NAALADL1: variants seen among roughly 807,000 people sequenced by gnomAD.
The protein encoded by NAALADL1 is aminopeptidase NAALADL1.
In NAALADL1, 77 loss-of-function variants were observed where a neutral mutation model predicts 82.8. The ratio of observed to expected loss-of-function variants is 0.93; its 90% CI spans 0.77 to 1.12. NAALADL1 has a LOEUF of 1.12. Among genes scored for constraint, NAALADL1 ranks in the 50% most tolerant of loss-of-function variants. The pLI is 0.00. For synonymous variants in NAALADL1, 358 were observed against 399.2 expected (o/e 0.90, Z 1.23); for missense variants, 956 against 964.0 (o/e 0.99, Z 0.11).
chr11:65,055,812 CCTTT>C (rs767961752), intron 4 of NAALADL1, among the ~76,000 whole-genome samples: 13 of 151,208 alleles, frequency 8.6e-5, no homozygotes, highest in Non-Finnish European at 8.8e-5. Context: ...TCCTTTTTTC[CCTTT>C]CTTTTCTTCC....
Position 65,047,519 on chromosome 11 carries a change from A to G in NAALADL1, c.1555T>C (p.Phe519Leu). 2 of 1,571,292 alleles carry G rather than the reference A, an allele frequency of 1.3e-6. No homozygotes were observed. The highest frequency in any genetic ancestry group is 2.3e-5 in the South Asian group (2 of 85,394). The stretch of plus-strand genomic sequence containing the variant: ...ATGTCCATGGAGGAGATGCCCAGGA[A>G]GTGAACGAAGGGTGCATAGTCGCTG... ...AGSDYAPFVH[F>L]LGISSMDIAY... Residue 519 changes from phenylalanine (F) to leucine (L), a missense_variant, in exon 13 of 18, where the codon TTC (phenylalanine) becomes CTC (leucine). Phe to Leu is a conservative substitution (Grantham distance 22). Coordinates refer to ENST00000358658, the MANE Select transcript of NAALADL1 (RefSeq NM_005468.3).
In NAALADL1 at chr11:65,044,912, C is replaced by G; in HGVS notation, c.*359G>C. On this transcript the variant is annotated 3_prime_UTR_variant, in exon 18 of 18. Transcript: ENST00000358658. This position sits in a 1 kb window ranked among gnomAD's most constrained non-coding sequence, Gnocchi z 4.0. ...TGCAGGGAGAGGAACGCAGACTAGC[C>G]AAGGCCTAAGGTACCCCAAGACTCA... The G allele has an allele frequency of 1.4e-6, 1 of 729,350 alleles. No individual in the cohort carries two copies. Among genetic ancestry groups the G allele is most frequent in the Non-Finnish European group, 2.2e-6 (1 of 456,750 alleles). 45.2% of individuals were successfully genotyped at this position (729,350 alleles called of 1,614,324 possible). A position where few individuals can be genotyped will look rare whatever the true frequency, so the allele number is the denominator to read the frequency against.
Position 65,044,980 on chromosome 11 carries a change from C to T in NAALADL1, c.*291G>A. 1.6e-6 allele frequency: 1 copy of T among 617,168 alleles called. No individual in the cohort carries two copies. The highest frequency in any genetic ancestry group is 2.8e-6 in the Non-Finnish European group (1 of 357,508). 38.2% of individuals were successfully genotyped at this position (617,168 alleles called of 1,614,324 possible). ...TGGCCTTGATGACCTGAGTTGGCAT[C>T]TGAGGTTGGCACGCATCCCATCTCC... On this transcript the variant is annotated 3_prime_UTR_variant, in exon 18 of 18. Coordinates refer to ENST00000358658, the MANE Select transcript of NAALADL1 (RefSeq NM_005468.3). This position sits in a 1 kb window ranked among gnomAD's most constrained non-coding sequence, Gnocchi z 4.0.
chr11:65,056,541 A>G (rs1947043260), intron 4 of NAALADL1, among the ~76,000 whole-genome samples: 1 of 151,984 alleles, frequency 6.6e-6, no homozygotes, highest in Admixed American at 6.6e-5. Flanking sequence ...CTAGGACTAC[A>G]GGTGCACGCT....
chr11:65,056,189 T>A (rs1234112676), intron 4 of NAALADL1, among the ~76,000 whole-genome samples: 1 of 151,794 alleles, frequency 6.6e-6, no homozygotes, highest in African/African-American at 2.4e-5. Flanking sequence ...CCAGCCCACT[T>A]TTAAAAAAAT....
chr11:65,045,232 G>T lies in NAALADL1; in HGVS notation c.*39C>A. The T allele has an allele frequency of 1.3e-6, 2 of 1,592,720 alleles. No individual in the cohort carries two copies. The highest frequency in any genetic ancestry group is 2.3e-5 in the South Asian group (2 of 87,992). ...CATCTCAGGAAAGCAGGCAGGAGAG[G>T]GTTGGAGTAAAGGGAGGGCTGAAGA... is the stretch of plus-strand genomic sequence containing the variant. On this transcript the variant is annotated 3_prime_UTR_variant, in exon 18 of 18. Transcript: ENST00000358658.
rs367918686 is a variant in NAALADL1, at chr11:65,058,090, C to T, written c.346G>A (p.Val116Ile). 6.2e-6 allele frequency: 10 copies of T among 1,611,194 alleles called. No individual in the cohort carries two copies. Among genetic ancestry groups the T allele is most frequent in the East Asian group, 4.5e-5 (2 of 44,812 alleles). ...GGCAGGACCTCACCGATGTCCACGA[C>T]GTTGGGCTGCTCCTGGCTAGGGAAG... ...LSFPSQEQPN[V>I]VDIVGPTGGI... is the part of the protein sequence containing the mutation. The change falls in exon 2 of 18, where the codon GTC becomes ATC. Residue 116 changes from valine (V) to isoleucine (I), a missense_variant. By Grantham distance (29) the Val-to-Ile change is conservative. Coordinates refer to ENST00000358658, the MANE Select transcript of NAALADL1 (RefSeq NM_005468.3).
chr11:65,056,222 A>C (rs926227293), intron 4 of NAALADL1, among the ~76,000 whole-genome samples: 33 of 152,092 alleles, frequency 2.2e-4, no homozygotes, highest in African/African-American at 7.7e-4. Context: ...CACATAACAT[A>C]AACTTAGCAT....
intron 2 of NAALADL1, 24 bp from the exon 3 acceptor site, chr11:65,058,020 T>C: frequency 6.2e-7 from 1 of 1,613,974 alleles, no homozygotes. Context: ...GGCAGTATCA[T>C]GGCTGGGCCC....
intron 8 of NAALADL1, 35 bp from the exon 9 acceptor site, chr11:65,048,420 T>C: frequency 1.2e-6 from 2 of 1,611,610 alleles, no homozygotes. Context: ...GAGGACAGGG[T>C]CCTCCTGATC....
In NAALADL1 at chr11:65,046,371, A is replaced by C. The variant is rs752488169; in HGVS notation, c.1682-9T>G. The C allele has an allele frequency of 1.2e-6, 2 of 1,614,214 alleles. No homozygotes were observed. The highest frequency in any genetic ancestry group is 2.2e-5 in the East Asian group (1 of 44,888). On this transcript the variant is annotated splice_polypyrimidine_tract_variant and intron_variant, in intron 14 of 17. Coordinates refer to ENST00000358658, the MANE Select transcript of NAALADL1 (RefSeq NM_005468.3). ...CTGATGGCTGCTGAAGCCTGCGGCA[A>C]GGTGACAAGGCCAGGGCTCAGTCTT...
intron 4 of NAALADL1, 44 bp downstream of exon 4, chr11:65,057,327 C>A: frequency 6.4e-7 from 1 of 1,568,334 alleles, no homozygotes; most frequent in Non-Finnish European, 8.6e-7. Context: ...ACTGCCCAGC[C>A]CCTTCCTCAC....
upstream of NAALADL1, among the ~76,000 whole-genome samples, chr11:65,060,632 G>A (rs1947172029): frequency 6.6e-6 from 1 of 152,182 alleles, no homozygotes; most frequent in South Asian, 2.1e-4. Flanking sequence ...TGTGGTTTGT[G>A]TTGGAGAGTG....
At position 65,048,016 on chromosome 11, in the gene NAALADL1, G is replaced by A. The variant is rs147434180; in HGVS notation, c.1381C>T (p.Pro461Ser). The A allele has an allele frequency of 8.5e-5, 137 of 1,613,534 alleles. 1 individual carries two copies. The highest frequency in any genetic ancestry group is 1.1e-4 in the Non-Finnish European group (132 of 1,179,826). The change falls in exon 11 of 18, where the codon CCT becomes TCT. Residue 461 changes from proline (P) to serine (S), a missense_variant. Coordinates refer to ENST00000358658, the MANE Select transcript of NAALADL1 (RefSeq NM_005468.3). ...NATLRVQGTPPVQSVVFSATK... is the reference protein window; with the variant it reads ...NATLRVQGTPSVQSVVFSATK... ...GCAGAGAAGACGACGCTCTGGACAG[G>A]GGGCGTCCCCTGCACCCTAAGGGTA...
At chr11:65,047,809 C>T (rs921654915) in intron 11 of NAALADL1, 71 bp from the exon 12 acceptor site, 2 of 1,502,292 alleles carry the variant, frequency 1.3e-6, no homozygotes, top group Non-Finnish European at 1.8e-6. Context: ...GGTTCTCCAC[C>T]GGTCTCCTGC....
upstream of NAALADL1, among the ~76,000 whole-genome samples, chr11:65,060,505 C>A (rs1370794426): frequency 6.6e-6 from 1 of 152,148 alleles, no homozygotes; most frequent in African/African-American, 2.4e-5. Flanking sequence ...ACTGAGGCAG[C>A]AACCCCATGG....
Position 65,054,548 on chromosome 11 carries a change from G to A in NAALADL1, c.794C>T (p.Pro265Leu), listed in dbSNP as rs35867135. ...DPLTPYLPAV[P>L]SSFRVDLANV... ...GGCAAGGTCCACGCGGAAGGAAGAG[G>A]GGACGGCTGGAAGGTAGGGAGTCAG... The change falls in exon 5 of 18, where the codon CCC (proline) becomes CTC (leucine). Residue 265 changes from proline to leucine, a missense_variant. By Grantham distance (98) the Pro-to-Leu change is moderately conservative. Coordinates refer to ENST00000358658, the MANE Select transcript of NAALADL1 (RefSeq NM_005468.3). The surrounding 1 kb of genome is among the most constrained non-coding windows in gnomAD (Gnocchi z 4.3). The A allele has an allele frequency of 1.5e-5, 24 of 1,613,750 alleles. No individual in the cohort carries two copies. Among genetic ancestry groups the A allele is most frequent in the Non-Finnish European group, 1.8e-5 (21 of 1,179,936 alleles).
At chr11:65,059,828 A>C (rs1270343510), upstream of NAALADL1, among the ~76,000 whole-genome samples, 1 of 152,190 alleles carries the variant, frequency 6.6e-6, no homozygotes, top group African/African-American at 2.4e-5. Flanking sequence ...CCAGTGAAAG[A>C]GTGAGGAGTT....
chr11:65,051,006 A>C (rs972379376), intron 8 of NAALADL1, among the ~76,000 whole-genome samples: 1 of 151,998 alleles, frequency 6.6e-6, no homozygotes, highest in Non-Finnish European at 1.5e-5. Flanking sequence ...TATTATACAG[A>C]GATAGAAAGC....
Sources: gnomAD v4.1 joint callset for allele counts (sites outside exome capture counted in the v4.1 genomes callset) on GRCh38, gnomAD v4.1.1 for gene constraint, Gnocchi (gnomAD v3.1) non-coding constraint, MANE v1.5 for transcripts, NCBI Gene and HGNC (gene_info 2026-07-23, HGNC 2026-07-21) for gene names.